Variants in PTK2 observed in about 807,000 individuals in gnomAD.
PTK2 encodes protein tyrosine kinase 2.
In PTK2, 45 loss-of-function variants were observed where a neutral mutation model predicts 150.1. The observed-to-expected ratio is 0.30, with a 90% CI of 0.24 to 0.38. PTK2 has a LOEUF of 0.38. PTK2 is among the 10% of genes least tolerant of loss of function. The pLI is 1.00. For missense variants in PTK2, 919 were observed against 1,307.3 expected (o/e 0.70, Z 4.58); for synonymous variants, 432 against 449.2 (o/e 0.96, Z 0.48).
intron 2 of PTK2, among the ~76,000 whole-genome samples, chr8:140,896,793 G>GGT (rs1555343120): frequency 1.6e-5 from 2 of 124,828 alleles, no homozygotes; most frequent in African/African-American, 5.1e-5. Flanking sequence ...AAAAACGGGG[G>GGT]GGGGGGGTGG....
At chr8:140,949,112 A>G (rs1257768970) in intron 1 of PTK2, among the ~76,000 whole-genome samples, 2 of 152,056 alleles carry the variant, frequency 1.3e-5, no homozygotes, top group East Asian at 3.9e-4. Flanking sequence ...CCATTTAATA[A>G]GTATATTTTC....
chr8:140,996,354 G>C (rs1032622069), intron 1 of PTK2, among the ~76,000 whole-genome samples: 4 of 152,320 alleles, frequency 2.6e-5, no homozygotes, highest in Admixed American at 2.0e-4. Flanking sequence ...GCAAGTGCTG[G>C]TGGAGAAGCT....
upstream of PTK2, chr8:141,002,000 C>A (rs1040895657): frequency 6.6e-6 from 1 of 152,226 alleles, no homozygotes. Flanking sequence ...CAATCCCTCC[C>A]GAGGGCTACA....
chr8:140,850,612 C>T (rs2154604660), intron 5 of PTK2, among the ~76,000 whole-genome samples: 1 of 151,658 alleles, frequency 6.6e-6, no homozygotes, highest in Non-Finnish European at 1.5e-5. Context: ...CACCTGTAGT[C>T]CCAGCTACTT....
At chr8:140,794,290 C>T (rs368055409) in intron 12 of PTK2, among the ~76,000 whole-genome samples, 2 of 152,194 alleles carry the variant, frequency 1.3e-5, no homozygotes, top group East Asian at 1.9e-4. Flanking sequence ...TGCTTCACTT[C>T]TCTCAGCACA....
intron 5 of PTK2, among the ~76,000 whole-genome samples, chr8:140,858,044 T>C (rs865849746): frequency 1.3e-5 from 2 of 152,146 alleles, no homozygotes; most frequent in Admixed American, 1.3e-4. Flanking sequence ...AAAAGGCAGA[T>C]AGATTAGCAA....
intron 19 of PTK2, among the ~76,000 whole-genome samples, 156 bp downstream of exon 22, chr8:140,744,496 C>T (rs1337513847): frequency 1.3e-5 from 2 of 152,044 alleles, no homozygotes; most frequent in African/African-American, 4.8e-5. Context: ...CAATAGATTC[C>T]AATGGTATAC....
At chr8:140,847,976 T>C (rs2100126680) in intron 5 of PTK2, among the ~76,000 whole-genome samples, 1 of 152,192 alleles carries the variant, frequency 6.6e-6, no homozygotes, top group Admixed American at 6.5e-5. Flanking sequence ...ATTATCCCTC[T>C]GTCTGAATTG....
intron 7 of PTK2, among the ~76,000 whole-genome samples, chr8:140,834,113 T>A (rs2100117214): frequency 6.6e-6 from 1 of 152,208 alleles, no homozygotes; most frequent in Non-Finnish European, 1.5e-5. Flanking sequence ...ACAGAACAGT[T>A]CCATTGTCGC....
intron 23 of PTK2, among the ~76,000 whole-genome samples, chr8:140,713,265 T>C (rs1591710165): frequency 6.6e-6 from 1 of 152,124 alleles, no homozygotes; most frequent in South Asian, 2.1e-4. Flanking sequence ...GCAAATAACA[T>C]CCTTTTGTTT....
chr8:140,755,260 GAAA>G (rs2100064955), intron 16 of PTK2, among the ~76,000 whole-genome samples: 1 of 152,062 alleles, frequency 6.6e-6, no homozygotes, highest in Admixed American at 6.5e-5. Context: ...GCCTAATAAA[GAAA>G]AAAATGTGTG....
chr8:140,728,683 C>T (rs79805299), intron 22 of PTK2, among the ~76,000 whole-genome samples: 1,777 of 152,222 alleles, frequency 0.012, 33 homozygotes, highest in African/African-American at 0.041. Flanking sequence ...CCACGCCCGG[C>T]TATTTTTTTG....
chr8:140,944,755 C>T (rs2100177103), intron 1 of PTK2, among the ~76,000 whole-genome samples: 1 of 152,192 alleles, frequency 6.6e-6, no homozygotes, highest in Non-Finnish European at 1.5e-5. Flanking sequence ...CTGAACATAA[C>T]GGCCTGACCA....
chr8:140,879,693 A>C (rs2100147928), intron 3 of PTK2, 56 bp from the exon 4 acceptor site: 7 of 1,265,598 alleles, frequency 5.5e-6, no homozygotes, highest in Non-Finnish European at 6.1e-6. Flanking sequence ...AAAAAAAAAA[A>C]AAAAAAAACC....
At position 140,802,522 on chromosome 8, in the gene PTK2, A is replaced by G. The variant is rs149896620; in HGVS notation, c.975+1021T>C. 1.6e-3 allele frequency among the ~76,000 whole-genome samples: 242 copies of G among 152,308 alleles called. 1 individual carries two copies. Among genetic ancestry groups the G allele is most frequent in the African/African-American group, 5.6e-3 (231 of 41,560 alleles). On this transcript the variant is annotated intron_variant, in intron 11 of 31. Coordinates refer to ENST00000522684, the Ensembl canonical transcript of PTK2. ...CTACTGAAAAAGGTTTTAAAAATAAATTTAAGTATATGGTGTGTACAGTGT... is the reference window on the plus strand; with the variant it reads ...CTACTGAAAAAGGTTTTAAAAATAAGTTTAAGTATATGGTGTGTACAGTGT...
At chr8:140,677,967 TTC>T (rs1469430636) in intron 27 of PTK2, among the ~76,000 whole-genome samples, 5 of 151,134 alleles carry the variant, frequency 3.3e-5, no homozygotes, top group African/African-American at 1.2e-4. Flanking sequence ...ATATTCTGTG[TTC>T]TGTTAGGAGA....
intron 17 of PTK2, 149 bp downstream of exon 20, chr8:140,752,083 C>T: frequency 2.7e-6 from 2 of 727,908 alleles, no homozygotes; most frequent in East Asian, 5.2e-5. Context: ...GGTGCTTGTA[C>T]AAATTTAGAC....
rs187766135 is a variant in PTK2 at position 140,753,523 on chromosome 8, A to T, written c.1333-1207T>A. On this transcript the variant is annotated intron_variant, in intron 16 of 31. Transcript: ENST00000522684. ...GGACGAAATCACCAAGGGAGATGAGAGAGGTCCAAGGACTGTGCTTTGAAG... is the reference window on the plus strand; with the variant it reads ...GGACGAAATCACCAAGGGAGATGAGTGAGGTCCAAGGACTGTGCTTTGAAG... Among the ~76,000 whole-genome samples, 2 of 152,344 alleles carry T rather than the reference A, an allele frequency of 1.3e-5. 1 individual carries two copies. Among genetic ancestry groups the T allele is most frequent in the Admixed American group, 1.3e-4 (2 of 15,304 alleles).
intron 1 of PTK2, among the ~76,000 whole-genome samples, chr8:140,977,396 G>T (rs1317378121): frequency 1.3e-5 from 2 of 152,060 alleles, no homozygotes; most frequent in Non-Finnish European, 2.9e-5. Flanking sequence ...GGCCAAAGTG[G>T]GCAGATCACG....
Sources: allele counts gnomAD v4.1 joint callset (sites outside exome capture counted in the v4.1 genomes callset), GRCh38; gene constraint gnomAD v4.1.1; transcripts MANE v1.5; gene names NCBI Gene and HGNC (gene_info 2026-07-23, HGNC 2026-07-21).